The following CFAP96 variants were observed in gnomAD, a reference collection of about 807,000 sequenced individuals.
CFAP96 encodes cilia and flagella associated protein 96.
chr4:185,409,693 G>A, the CFAP96 span, among the ~76,000 whole-genome samples: 1 of 152,154 alleles, frequency 6.6e-6, no homozygotes, highest in South Asian at 2.1e-4. Flanking sequence ...CACCCTCTGT[G>A]CCAAAAAGTA....
At chr4:185,415,134 G>C in the CFAP96 span, 1 of 1,540,026 alleles carries the variant, frequency 6.5e-7, no homozygotes, top group East Asian at 2.4e-5. Context: ...TTTTTTCTAA[G>C]AATAGATGAA....
At chr4:185,442,423 T>C in the CFAP96 span, among the ~76,000 whole-genome samples, 620 of 152,240 alleles carry the variant, frequency 4.1e-3, no homozygotes, top group African/African-American at 0.014. Context: ...AAGGTTCTGG[T>C]CAATAAGTAT....
chr4:185,414,092 G>A, the CFAP96 span, among the ~76,000 whole-genome samples: 31 of 152,184 alleles, frequency 2.0e-4, 1 homozygote, highest in South Asian at 6.4e-3. Flanking sequence ...GAAACTGGAA[G>A]GGAACAGAGA....
chr4:185,427,554 G>A, the CFAP96 span, among the ~76,000 whole-genome samples: 1 of 151,788 alleles, frequency 6.6e-6, no homozygotes, highest in South Asian at 2.1e-4. Flanking sequence ...GAGGTCAGGA[G>A]TTTGAGACCA....
the CFAP96 span, among the ~76,000 whole-genome samples, chr4:185,443,318 ATG>A: frequency 4.5e-5 from 2 of 43,974 alleles, no homozygotes; most frequent in African/African-American, 5.6e-5. Flanking sequence ...ATTATTTTTT[ATG>A]TATATATATA....
the CFAP96 span, chr4:185,418,462 CTTCT>C: frequency 1.2e-6 from 2 of 1,609,654 alleles, no homozygotes; most frequent in Non-Finnish European, 1.7e-6. Flanking sequence ...ACTTTTTGTC[CTTCT>C]TTCTCATGAA....
the CFAP96 span, chr4:185,426,099 G>T: frequency 1.7e-6 from 1 of 588,768 alleles, no homozygotes; most frequent in East Asian, 2.8e-5. Flanking sequence ...TATTAGTTAA[G>T]TCTTTTCTGT....
At chr4:185,434,002 T>C in the CFAP96 span, among the ~76,000 whole-genome samples, 3 of 152,208 alleles carry the variant, frequency 2.0e-5, no homozygotes. Flanking sequence ...ATGTATTGCT[T>C]GAGTCTAGGA....
the CFAP96 span, among the ~76,000 whole-genome samples, chr4:185,427,218 C>A: frequency 2.6e-5 from 4 of 152,220 alleles, no homozygotes; most frequent in African/African-American, 9.6e-5. Flanking sequence ...CAGCTCCTGC[C>A]CTTGTGCCGT....
chr4:185,419,266 G>A, the CFAP96 span, among the ~76,000 whole-genome samples: 1 of 152,058 alleles, frequency 6.6e-6, no homozygotes, highest in Non-Finnish European at 1.5e-5. Flanking sequence ...CGAGTAGCTG[G>A]GACTACAGGT....
the CFAP96 span, among the ~76,000 whole-genome samples, chr4:185,437,071 T>G: frequency 2.0e-5 from 3 of 152,052 alleles, no homozygotes; most frequent in Non-Finnish European, 4.4e-5. Flanking sequence ...TGTAATACTT[T>G]TGGGCTGATC....
the CFAP96 span, chr4:185,418,692 C>G: frequency 6.2e-7 from 1 of 1,613,836 alleles, no homozygotes; most frequent in Non-Finnish European, 8.5e-7. Context: ...GTGGCAAATT[C>G]TGAACACAAG....
chr4:185,436,045 G>A, the CFAP96 span: 1 of 1,518,872 alleles, frequency 6.6e-7, no homozygotes, highest in Admixed American at 2.3e-5. Flanking sequence ...TTGTATTTAA[G>A]ATGTGGCTTA....
chr4:185,441,592 A>AT, the CFAP96 span, among the ~76,000 whole-genome samples: 1 of 151,840 alleles, frequency 6.6e-6, no homozygotes, highest in Non-Finnish European at 1.5e-5. Flanking sequence ...TATTAGAATA[A>AT]TGTGGCTTCT....
chr4:185,424,233 G>A, the CFAP96 span, among the ~76,000 whole-genome samples: 1 of 152,044 alleles, frequency 6.6e-6, no homozygotes, highest in Non-Finnish European at 1.5e-5. Context: ...TTGGGCCGGG[G>A]AGGTCAATGC....
the CFAP96 span, chr4:185,416,128 C>T: frequency 3.7e-6 from 1 of 270,620 alleles, no homozygotes; most frequent in South Asian, 1.6e-4. Context: ...AGCTGTACTA[C>T]AGTAAAAAGA....
the CFAP96 span, chr4:185,445,264 T>G: frequency 9.5e-3 from 7,701 of 814,534 alleles, 56 homozygotes; most frequent in Non-Finnish European, 0.012. Flanking sequence ...ACATCTCAGC[T>G]CCTTCCATGT....
At chr4:185,447,586 C>T in the CFAP96 span, among the ~76,000 whole-genome samples, 4 of 152,284 alleles carry the variant, frequency 2.6e-5, no homozygotes, top group Admixed American at 6.5e-5. Flanking sequence ...GTGTCACTAG[C>T]GTTAACTACA....
At chr4:185,445,342 A>C in the CFAP96 span, 1 of 727,516 alleles carries the variant, frequency 1.4e-6, no homozygotes, top group Non-Finnish European at 2.2e-6. Flanking sequence ...AGAAAGCTTA[A>C]GTTATCTGCA....
Sources: gnomAD v4.1 joint callset for allele counts (sites outside exome capture counted in the v4.1 genomes callset) on GRCh38, gnomAD v4.1.1 for gene constraint, MANE v1.5 for transcripts, NCBI Gene and HGNC (gene_info 2026-07-23, HGNC 2026-07-21) for gene names.